The following GSE1 variants were observed in gnomAD, a reference collection of about 807,000 sequenced individuals.
GSE1 encodes the protein Gse1 coiled-coil protein.
A neutral mutation model predicts 112.6 loss-of-function variants in GSE1; 32 were observed. The observed-to-expected ratio is 0.28, with a 90% confidence interval of 0.21 to 0.38. The LOEUF (loss-of-function observed/expected upper bound fraction) is 0.38, where lower values mean the gene tolerates loss of function less well. Ranked by LOEUF, GSE1 falls within the 10% of genes least tolerant of loss-of-function variation. The pLI is 1.00. For missense variants in GSE1, 2,348 were observed against 1,699.2 expected (o/e 1.38, Z -6.71); for synonymous variants, 1,115 against 735.6 (o/e 1.52, Z -8.35).
Position 85,654,858 on chromosome 16 carries a change from T to G in GSE1, c.664T>G (p.Phe222Val). Residue 222 changes from phenylalanine to valine, a missense_variant, in exon 5 of 16, where the codon TTC (phenylalanine) becomes GTC (valine). By Grantham distance (50) the Phe-to-Val change is conservative. Coordinates refer to ENST00000253458, the MANE Select transcript of GSE1 (RefSeq NM_014615.5). ...STVTEDYLRS[F>V]RPYHTTDDLR... ...CGTGACCGAGGACTACCTGAGAAGC[T>G]TCCGGCCCTACCACACCACCGACGA... The G allele has an allele frequency of 6.2e-7, 1 of 1,611,858 alleles. No homozygotes were observed. Among genetic ancestry groups the G allele is most frequent in the Non-Finnish European group, 8.5e-7 (1 of 1,179,494 alleles).
rs1250292650 is a variant in GSE1, at chr16:85,408,057, C to G, written c.2464+50414C>G. On this transcript the variant is annotated intron_variant, in intron 2 of 2. Transcript: ENST00000637419. ...CCCCCCTGGATAATCCTGTTACTCT[C>G]AGGGCACCTGGATAATCCTCACTGT... is the stretch of plus-strand genomic sequence containing the variant. 1.9e-4 allele frequency among the ~76,000 whole-genome samples: 10 copies of G among 51,916 alleles called. 5 individuals carry two copies. The highest frequency in any genetic ancestry group is 3.9e-4 in the Non-Finnish European group (10 of 25,752). The allele number at this position is 51,916 out of a possible 152,430, so 34.1% of individuals were successfully genotyped here.
At chr16:85,654,515 TC>T in intron 4 of GSE1, 65 bp downstream of exon 4, 1 of 1,396,278 alleles carries the variant, frequency 7.2e-7, no homozygotes, top group Non-Finnish European at 9.8e-7. Flanking sequence ...AGGGTCTGGG[TC>T]CCCAGGCAGC....
intron 1 of GSE1, among the ~76,000 whole-genome samples, chr16:85,597,959 C>G (rs2047303489): frequency 6.6e-6 from 1 of 151,962 alleles, no homozygotes; most frequent in Admixed American, 6.6e-5. Flanking sequence ...TCAGGGTATT[C>G]AGAAGGGTGT....
chr16:85,364,608 C>T (rs1296594615), intron 2 of GSE1, among the ~76,000 whole-genome samples: 1 of 152,210 alleles, frequency 6.6e-6, no homozygotes, highest in Non-Finnish European at 1.5e-5. Context: ...GCTGTGGTCT[C>T]TGCTTCCTTG....
intron 1 of GSE1, among the ~76,000 whole-genome samples, chr16:85,278,356 C>T (rs1049966691): frequency 8.5e-5 from 13 of 152,214 alleles, no homozygotes. Flanking sequence ...TCTGAGCACC[C>T]TTACTGAGCA....
intron 3 of GSE1, among the ~76,000 whole-genome samples, chr16:85,649,499 G>T (rs982081991): frequency 2.0e-5 from 3 of 152,154 alleles, no homozygotes; most frequent in African/African-American, 7.2e-5. Flanking sequence ...AAGTTTTCGG[G>T]GCTCCTTATG....
Position 85,234,968 on chromosome 16 carries a change from T to C in GSE1, c.2283+63161T>C, listed in dbSNP as rs1200776747. Among the ~76,000 whole-genome samples the C allele has an allele frequency of 4.6e-5, 7 of 152,054 alleles. No individual in the cohort carries two copies. In the East Asian group the frequency reaches 1.4e-3, roughly 30 times the overall value. The stretch of plus-strand genomic sequence containing the variant: ...TGGGCCCCGCCGGAGACCCGGATAC[T>C]AGAGAGAGAGGCCAATCTGGGCCCT... On this transcript the variant is annotated intron_variant, in intron 1 of 2. Transcript: ENST00000637419.
chr16:85,410,110 T>A (rs370094368), intron 2 of GSE1, among the ~76,000 whole-genome samples: 138 of 39,040 alleles, frequency 3.5e-3, no homozygotes, highest in Non-Finnish European at 4.3e-3. Context: ...GCCCCCCGGA[T>A]AATCCTCACT....
At chr16:85,465,078 C>T (rs916191856) in intron 2 of GSE1, among the ~76,000 whole-genome samples, 12 of 152,356 alleles carry the variant, frequency 7.9e-5, no homozygotes, top group East Asian at 5.8e-4. Flanking sequence ...CTCAGGGTCA[C>T]GCCCCCAGCC....
At chr16:85,427,267 C>T (rs1211415469) in intron 2 of GSE1, among the ~76,000 whole-genome samples, 1 of 152,142 alleles carries the variant, frequency 6.6e-6, no homozygotes, top group Non-Finnish European at 1.5e-5. Flanking sequence ...AACTCAGGCA[C>T]AAATGTGAGC....
intron 2 of GSE1, among the ~76,000 whole-genome samples, chr16:85,361,254 C>A (rs553639165): frequency 4.3e-5 from 6 of 140,696 alleles, no homozygotes; most frequent in African/African-American, 1.1e-4. Context: ...AGGCACAGAC[C>A]CCCCACACAC....
At chr16:85,282,170 G>A (rs1487934726) in intron 1 of GSE1, among the ~76,000 whole-genome samples, 1 of 152,106 alleles carries the variant, frequency 6.6e-6, no homozygotes, top group African/African-American at 2.4e-5. Flanking sequence ...TGGGACTACA[G>A]GCGTGCACCA....
chr16:85,464,411 CTCT>C (rs769503858), intron 2 of GSE1, among the ~76,000 whole-genome samples: 11 of 152,186 alleles, frequency 7.2e-5, no homozygotes, highest in Non-Finnish European at 1.6e-4. Flanking sequence ...CTGCAAAACT[CTCT>C]TCTTATTTGG....
At position 85,171,225 on chromosome 16, in the gene GSE1, C is replaced by G; in HGVS notation, c.1701C>G (p.Tyr567Ter). The change falls in exon 1 of 3, where the codon TAC becomes TAG. Residue 567 changes from tyrosine (Y) to a stop codon, truncating the protein, a stop_gained. Coordinates refer to the GSE1 transcript ENST00000637419. LOFTEE classifies it high-confidence loss of function. ...CCGTGCAGGGCTTCCTGGGCAGGTACCACCAGGCCTTCTCCGCCTCCGACC... is the reference window on the plus strand; with the variant it reads ...CCGTGCAGGGCTTCCTGGGCAGGTAGCACCAGGCCTTCTCCGCCTCCGACC... 1 of 985,714 alleles carries G rather than the reference C, an allele frequency of 1.0e-6. No individual in the cohort carries two copies. Among genetic ancestry groups the G allele is most frequent in the Non-Finnish European group, 1.2e-6 (1 of 830,138 alleles). The allele number at this position is 985,714 out of a possible 1,614,324, so 61.1% of individuals were successfully genotyped here.
At chr16:85,613,664 G>T (rs528587639) in intron 1 of GSE1, among the ~76,000 whole-genome samples, 1 of 149,964 alleles carries the variant, frequency 6.7e-6, no homozygotes, top group Non-Finnish European at 1.5e-5. Context: ...AGCGGGGGAT[G>T]GGGGGGGTGC....
chr16:85,621,164 C>T (rs984140612), intron 1 of GSE1, among the ~76,000 whole-genome samples: 1 of 151,718 alleles, frequency 6.6e-6, no homozygotes, highest in Non-Finnish European at 1.5e-5. Context: ...ATGGTCTCGG[C>T]CCTGGATCTC....
intron 3 of GSE1, among the ~76,000 whole-genome samples, chr16:85,651,980 C>T (rs1292835332): frequency 6.6e-6 from 1 of 152,224 alleles, no homozygotes; most frequent in Non-Finnish European, 1.5e-5. Context: ...AGATGTTTGG[C>T]CCTATGCCAG....
intron 1 of GSE1, among the ~76,000 whole-genome samples, chr16:85,585,373 A>G (rs2046643772): frequency 6.6e-6 from 1 of 152,114 alleles, no homozygotes; most frequent in African/African-American, 2.4e-5. Flanking sequence ...GTTCTTCTGT[A>G]TGGCAGCCGA....
At chr16:85,476,129 G>A (rs778134244) in intron 2 of GSE1, among the ~76,000 whole-genome samples, 3 of 152,112 alleles carry the variant, frequency 2.0e-5, no homozygotes, top group South Asian at 2.1e-4. Flanking sequence ...ACGGGATTTC[G>A]CCATGTTGCC....
Sources: allele counts gnomAD v4.1 joint callset (sites outside exome capture counted in the v4.1 genomes callset), GRCh38; gene constraint gnomAD v4.1.1; transcripts MANE v1.5; gene names NCBI Gene and HGNC (gene_info 2026-07-23, HGNC 2026-07-21).